Variants in CNOT4 observed in about 807,000 individuals in gnomAD.
CNOT4 encodes the protein CCR4-NOT transcription complex subunit 4.
A neutral mutation model predicts 73.8 loss-of-function variants in CNOT4; 8 were observed. That is an observed-to-expected ratio of 0.11 (90% confidence interval 0.06 to 0.20). The LOEUF is 0.20. CNOT4 is among the 10% of genes least tolerant of loss of function. CNOT4 has a pLI of 1.00. For missense variants in CNOT4, 564 were observed against 883.4 expected (o/e 0.64, Z 4.58); for synonymous variants, 293 against 321.1 (o/e 0.91, Z 0.94).
rs71174519 is a variant in CNOT4, at chr7:135,396,107, CTTTTTTTTTTTT to C, written c.880-236_880-225del. Among the ~76,000 whole-genome samples, 150 of 95,428 alleles carry C rather than the reference CTTTTTTTTTTTT, an allele frequency of 1.6e-3. 2 individuals are homozygous for C. Among genetic ancestry groups the C allele is most frequent in the East Asian group, 0.014 (56 of 3,874 alleles). The allele number at this position is 95,428 out of a possible 152,430, so 62.6% of individuals were successfully genotyped here. On this transcript the variant is annotated intron_variant, in intron 8 of 11. Transcript: ENST00000541284. The stretch of plus-strand genomic sequence containing the variant: ...GCTTGAAAAGATTAAACTAGTCTCC[CTTTTTTTTTTTT>C]TTTTTTTTTTTTTTTTGAGATGGAG...
chr7:135,394,871 GT>G (rs1796593070), intron 9 of CNOT4, among the ~76,000 whole-genome samples: 2 of 152,068 alleles, frequency 1.3e-5, no homozygotes, highest in South Asian at 4.2e-4. Context: ...AATCCTCATA[GT>G]TTTTTGGAAT....
intron 10 of CNOT4, among the ~76,000 whole-genome samples, chr7:135,369,765 C>T (rs1299979999): frequency 6.6e-6 from 1 of 152,214 alleles, no homozygotes; most frequent in Admixed American, 6.5e-5. Context: ...TATAAGTGAT[C>T]TCCTACCAGT....
chr7:135,404,231 G>A (rs1183200869), intron 7 of CNOT4, among the ~76,000 whole-genome samples: 1 of 152,188 alleles, frequency 6.6e-6, no homozygotes, highest in Non-Finnish European at 1.5e-5. Context: ...GAAAAACCTA[G>A]TAATCTGCTG....
chr7:135,379,991 G>C (rs1795749596), intron 10 of CNOT4, among the ~76,000 whole-genome samples: 1 of 152,138 alleles, frequency 6.6e-6, no homozygotes, highest in African/African-American at 2.4e-5. Context: ...TTAAGCAACA[G>C]TGCTAGGCTA....
chr7:135,485,184 T>A (rs745432581), intron 1 of CNOT4, among the ~76,000 whole-genome samples: 19 of 152,170 alleles, frequency 1.2e-4, no homozygotes, highest in Non-Finnish European at 2.5e-4. Context: ...GCGATTCTCC[T>A]GCCTCAGTCT....
At chr7:135,504,032 T>C (rs1804176455) in intron 1 of CNOT4, among the ~76,000 whole-genome samples, 1 of 152,162 alleles carries the variant, frequency 6.6e-6, no homozygotes, top group Non-Finnish European at 1.5e-5. Context: ...ATTCACAATC[T>C]GAAAACACCT....
chr7:135,381,735 G>A (rs1252115719), intron 10 of CNOT4, among the ~76,000 whole-genome samples: 1 of 152,110 alleles, frequency 6.6e-6, no homozygotes, highest in East Asian at 1.9e-4. Flanking sequence ...ATGGTACTGG[G>A]TCACTGCATC....
At chr7:135,419,348 C>T (rs536580032) in intron 3 of CNOT4, among the ~76,000 whole-genome samples, 2 of 152,164 alleles carry the variant, frequency 1.3e-5, no homozygotes, top group South Asian at 2.1e-4. Flanking sequence ...TTGAAAGTGA[C>T]GCTAACAATT....
At chr7:135,480,927 C>G (rs1802337004) in intron 1 of CNOT4, among the ~76,000 whole-genome samples, 1 of 148,686 alleles carries the variant, frequency 6.7e-6, no homozygotes, top group Non-Finnish European at 1.5e-5. Context: ...CTCTCTCTCT[C>G]TCACCATATT....
At chr7:135,489,883 T>C (rs1223350851) in intron 1 of CNOT4, among the ~76,000 whole-genome samples, 1 of 152,228 alleles carries the variant, frequency 6.6e-6, no homozygotes, top group African/African-American at 2.4e-5. Context: ...AACAGTGATA[T>C]GATTGTTGAT....
intron 7 of CNOT4, among the ~76,000 whole-genome samples, chr7:135,401,377 G>A (rs776844683): frequency 3.1e-4 from 47 of 152,188 alleles, no homozygotes; most frequent in Admixed American, 1.3e-3. Context: ...ACTATTCCCT[G>A]GTCAAAAATT....
intron 2 of CNOT4, among the ~76,000 whole-genome samples, chr7:135,434,113 T>C (rs1338380653): frequency 6.6e-6 from 1 of 152,184 alleles, no homozygotes; most frequent in African/African-American, 2.4e-5. Context: ...ATATGCCACC[T>C]CACAGCATGG....
intron 2 of CNOT4, among the ~76,000 whole-genome samples, chr7:135,432,566 T>G (rs146137108): frequency 1.3e-5 from 2 of 152,188 alleles, no homozygotes; most frequent in Admixed American, 1.3e-4. Context: ...ATGTGTTGCA[T>G]TTTGGACTGG....
intron 1 of CNOT4, among the ~76,000 whole-genome samples, chr7:135,488,421 C>A (rs920222965): frequency 1.1e-4 from 17 of 152,200 alleles, no homozygotes; most frequent in Non-Finnish European, 1.5e-4. Flanking sequence ...CCGTGTTGGC[C>A]AGGCTGGTCT....
intron 3 of CNOT4, among the ~76,000 whole-genome samples, chr7:135,420,811 T>C (rs1585617488): frequency 6.6e-6 from 1 of 152,096 alleles, no homozygotes; most frequent in African/African-American, 2.4e-5. Context: ...GGATTCTCTC[T>C]GTCTGGGGAA....
chr7:135,391,632 A>AT (rs1406609056), intron 10 of CNOT4, among the ~76,000 whole-genome samples: 1 of 152,090 alleles, frequency 6.6e-6, no homozygotes, highest in Non-Finnish European at 1.5e-5. Context: ...TTAATGTCAC[A>AT]TTTTTTCCAT....
At chr7:135,495,730 GAA>G (rs1803508563) in intron 1 of CNOT4, among the ~76,000 whole-genome samples, 3 of 103,394 alleles carry the variant, frequency 2.9e-5, no homozygotes, top group Non-Finnish European at 6.3e-5. Context: ...AAGAAAGAAA[GAA>G]AGAAAGAAAG....
At chr7:135,504,479 T>TAA (rs1429434182) in intron 1 of CNOT4, among the ~76,000 whole-genome samples, 2 of 53,710 alleles carry the variant, frequency 3.7e-5, no homozygotes, top group Non-Finnish European at 7.7e-5. Flanking sequence ...TTTTTTTTTT[T>TAA]TTTTTTTTTT....
At chr7:135,480,405 A>G (rs1353451960) in intron 1 of CNOT4, among the ~76,000 whole-genome samples, 1 of 152,220 alleles carries the variant, frequency 6.6e-6, no homozygotes, top group Non-Finnish European at 1.5e-5. Context: ...TTACTAATAT[A>G]GGAAATAAAG....
Sources: allele counts gnomAD v4.1 joint callset (sites outside exome capture counted in the v4.1 genomes callset), GRCh38; gene constraint gnomAD v4.1.1; transcripts MANE v1.5; gene names NCBI Gene and HGNC (gene_info 2026-07-23, HGNC 2026-07-21).